Variants in HSD17B11 observed in about 807,000 individuals in gnomAD.
HSD17B11 encodes hydroxysteroid 17-beta dehydrogenase 11.
HSD17B11 carries 22 observed loss-of-function variants against 27.8 expected under a neutral mutation model. The ratio of observed to expected loss-of-function variants is 0.79; its 90% CI spans 0.56 to 1.13. HSD17B11 has a LOEUF of 1.13. HSD17B11 is among the 50% of genes most tolerant of loss of function. The probability of loss-of-function intolerance (pLI) is 0.00; values close to 1 mark genes in which losing one functional copy is unlikely to be tolerated. For synonymous variants in HSD17B11, 117 were observed against 132.8 expected (o/e 0.88, Z 0.82); for missense variants, 314 against 351.1 (o/e 0.89, Z 0.84).
intron 5 of HSD17B11, among the ~76,000 whole-genome samples, chr4:87,346,043 A>C (rs912137869): frequency 6.6e-6 from 1 of 152,206 alleles, no homozygotes; most frequent in African/African-American, 2.4e-5. Flanking sequence ...ATTCTCAACA[A>C]AAGATTGGCA....
chr4:87,390,926 C>T lies in HSD17B11; in HGVS notation c.145G>A (p.Gly49Arg). 1 of 1,614,140 alleles carries T rather than the reference C, an allele frequency of 6.2e-7. No individual in the cohort carries two copies. Among genetic ancestry groups the T allele is most frequent in the South Asian group, 1.1e-5 (1 of 91,084 alleles). The change falls in exon 1 of 7, where the codon GGG becomes AGG. Residue 49 changes from glycine to arginine, a missense_variant. Transcript: ENST00000358290. ...GCAAATTCATAGGCAGTCAGTCTCC[C>T]AATTCCATGCCCAGCTCCTGTAATC... Reference protein sequence around the residue: ...VLITGAGHGIGRLTAYEFAKL... With the variant: ...VLITGAGHGIRRLTAYEFAKL...
chr4:87,345,680 T>C lies in HSD17B11; in HGVS notation c.696-5074A>G, dbSNP rs975087223. Among the ~76,000 whole-genome samples, 9 of 152,182 alleles carry C rather than the reference T, an allele frequency of 5.9e-5. No homozygotes were observed. In the East Asian group the frequency reaches 1.2e-3, roughly 20 times the overall value. ...AGATTATAATAGAATACTAGGACAA[T>C]TGCATGCCAACAAATTAGAAACCTA... On this transcript the variant is annotated intron_variant, in intron 5 of 6. Coordinates refer to ENST00000358290, the MANE Select transcript of HSD17B11 (RefSeq NM_016245.5).
At chr4:87,377,079 G>A (rs1382676408) in intron 2 of HSD17B11, among the ~76,000 whole-genome samples, 2 of 152,224 alleles carry the variant, frequency 1.3e-5, no homozygotes, top group Middle Eastern at 3.4e-3. Context: ...GCAGTGAGCT[G>A]AGATTGCACC....
intron 3 of HSD17B11, chr4:87,373,073 C>T (rs2110125408): frequency 2.6e-6 from 1 of 382,476 alleles, no homozygotes; most frequent in South Asian, 2.9e-5. Flanking sequence ...GGTGTGGTGG[C>T]TCATGCCTGT....
intron 2 of HSD17B11, among the ~76,000 whole-genome samples, chr4:87,381,239 G>A (rs1288006255): frequency 6.6e-6 from 1 of 150,474 alleles, no homozygotes; most frequent in African/African-American, 2.4e-5. Flanking sequence ...TAAACAAAGA[G>A]GTTCTCAAGT....
At chr4:87,338,119 A>G (rs1365213956) in intron 6 of HSD17B11, among the ~76,000 whole-genome samples, 1 of 152,200 alleles carries the variant, frequency 6.6e-6, no homozygotes, top group Non-Finnish European at 1.5e-5. Flanking sequence ...CAGGAGGCTA[A>G]GGCAGAAGAA....
intron 5 of HSD17B11, among the ~76,000 whole-genome samples, chr4:87,344,940 G>C (rs1380677482): frequency 6.6e-6 from 1 of 152,144 alleles, no homozygotes; most frequent in East Asian, 1.9e-4. Context: ...ATACTTTGAG[G>C]TGAACATAAA....
At chr4:87,390,391 C>T (rs377085838) in intron 1 of HSD17B11, among the ~76,000 whole-genome samples, 1 of 152,116 alleles carries the variant, frequency 6.6e-6, no homozygotes, top group African/African-American at 2.4e-5. Flanking sequence ...CTCCTGACCT[C>T]GCGATCCGCC....
At chr4:87,347,302 G>A (rs1429038366) in intron 5 of HSD17B11, among the ~76,000 whole-genome samples, 1 of 58,850 alleles carries the variant, frequency 1.7e-5, no homozygotes, top group Admixed American at 1.8e-4. Context: ...AGTCCCCAGA[G>A]TGTGATATTC....
In HSD17B11 at chr4:87,383,855, T is replaced by A. The variant is rs749536151; in HGVS notation, c.211-1493A>T. On this transcript the variant is annotated intron_variant, in intron 1 of 6. Transcript: ENST00000358290. ...ATTAGGTTGTTGGAAAAGTAATTGC[T>A]GTTTTTGCCATTAGTTTAATGACAA... 6.3e-4 allele frequency among the ~76,000 whole-genome samples: 96 copies of A among 152,218 alleles called. 1 individual carries two copies. The highest frequency in any genetic ancestry group is 3.5e-4 in the Non-Finnish European group (24 of 68,026).
chr4:87,339,840 A>G (rs2110111563), intron 6 of HSD17B11, among the ~76,000 whole-genome samples: 1 of 152,360 alleles, frequency 6.6e-6, no homozygotes, highest in Non-Finnish European at 1.5e-5. Flanking sequence ...TAAACTTCCC[A>G]GGTGAATTCC....
At chr4:87,384,693 C>T (rs1177471774) in intron 1 of HSD17B11, among the ~76,000 whole-genome samples, 1 of 152,014 alleles carries the variant, frequency 6.6e-6, no homozygotes, top group Non-Finnish European at 1.5e-5. Flanking sequence ...TGGGGAAAAA[C>T]TTTGCCCTGG....
At chr4:87,388,824 C>G (rs1413825058) in intron 1 of HSD17B11, among the ~76,000 whole-genome samples, 4 of 152,172 alleles carry the variant, frequency 2.6e-5, no homozygotes, top group African/African-American at 7.2e-5. Flanking sequence ...CACTGAAGAT[C>G]AGAGAAAATT....
chr4:87,365,387 G>A (rs1456087852), intron 4 of HSD17B11, among the ~76,000 whole-genome samples: 1 of 152,154 alleles, frequency 6.6e-6, no homozygotes. Flanking sequence ...AAAATAAAAT[G>A]TCTTAAAAAT....
At chr4:87,373,685 G>A (rs1012393313) in intron 3 of HSD17B11, among the ~76,000 whole-genome samples, 1 of 151,946 alleles carries the variant, frequency 6.6e-6, no homozygotes, top group Non-Finnish European at 1.5e-5. Context: ...ACTCCAGCCT[G>A]GGCAACACAG....
intron 6 of HSD17B11, among the ~76,000 whole-genome samples, chr4:87,338,678 G>C (rs924001418): frequency 1.3e-5 from 2 of 152,064 alleles, no homozygotes; most frequent in African/African-American, 2.4e-5. Context: ...TGGTACTACA[G>C]GTGTGTTCCA....
In HSD17B11 at chr4:87,379,449, G is replaced by GAT. The variant is rs993743200; in HGVS notation, c.318+2804_318+2805dup. Among the ~76,000 whole-genome samples the GAT allele has an allele frequency of 1.3e-3, 192 of 145,728 alleles. 1 individual carries two copies. In the East Asian group the frequency reaches 0.032, roughly 24 times the overall value. On this transcript the variant is annotated intron_variant, in intron 2 of 6. Coordinates refer to ENST00000358290, the MANE Select transcript of HSD17B11 (RefSeq NM_016245.5). The stretch of plus-strand genomic sequence containing the variant: ...TCAGAATTACTTGGGCAGATTCCTG[G>GAT]ATATATATATAATATTTATATTGTT...
intron 4 of HSD17B11, among the ~76,000 whole-genome samples, chr4:87,364,255 C>T (rs1735576943): frequency 7.1e-6 from 1 of 141,766 alleles, no homozygotes; most frequent in Admixed American, 7.3e-5. Flanking sequence ...GGCAGCACCA[C>T]AGATCCAGTT....
intron 4 of HSD17B11, among the ~76,000 whole-genome samples, chr4:87,363,904 G>A (rs1735569674): frequency 6.6e-6 from 1 of 152,130 alleles, no homozygotes; most frequent in East Asian, 1.9e-4. Flanking sequence ...AAGCACCTAG[G>A]AGTTTACCTT....
Sources: allele counts gnomAD v4.1 joint callset (sites outside exome capture counted in the v4.1 genomes callset), GRCh38; gene constraint gnomAD v4.1.1; transcripts MANE v1.5; gene names NCBI Gene and HGNC (gene_info 2026-07-23, HGNC 2026-07-21).